Variants in WDR4 observed in about 807,000 individuals in gnomAD.
WDR4 encodes WDR4 tRNA N7-guanosine methyltransferase non-catalytic subunit.
A neutral mutation model predicts 48.6 loss-of-function variants in WDR4; 47 were observed. The observed-to-expected ratio is 0.97, with a 90% confidence interval of 0.77 to 1.23. WDR4 has a LOEUF of 1.23. Among genes scored for constraint, WDR4 ranks in the 50% most tolerant of loss-of-function variants. The pLI is 0.00. For synonymous variants in WDR4, 268 were observed against 230.0 expected, an observed-to-expected ratio of 1.17 and a Z score of -1.49; for missense variants, 606 against 551.6, an observed-to-expected ratio of 1.10 and a Z score of -0.99.
chr21:42,873,626 C>T lies in WDR4; in HGVS notation c.221G>A (p.Ser74Asn), dbSNP rs779140436. 2 of 1,614,180 alleles carry T rather than the reference C, an allele frequency of 1.2e-6. No homozygotes were observed. The highest frequency in any genetic ancestry group is 1.7e-5 in the Admixed American group (1 of 60,022). The change falls in exon 3 of 11, where the codon AGC (serine) becomes AAC (asparagine). Residue 74 changes from serine (S) to asparagine (N), a missense_variant. Physicochemically the swap from Ser to Asn is conservative, Grantham distance 46 (BLOSUM62 1). Transcript: ENST00000398208. ...ACTGTCATCGGTTAAAGCAAAATAG[C>T]TGCCAGACTTGGAGAAGGTGGACGC... ...ILASTFSKSG[S>N]YFALTDDSKR...
Position 42,852,337 on chromosome 21 carries a change from A to C in WDR4, c.976-13T>G. 6.2e-7 allele frequency: 1 copy of C among 1,613,700 alleles called. No homozygotes were observed. Among genetic ancestry groups the C allele is most frequent in the South Asian group, 1.1e-5 (1 of 90,930 alleles). On this transcript the variant is annotated splice_polypyrimidine_tract_variant and intron_variant, in intron 9 of 10. Coordinates refer to ENST00000398208, the MANE Select transcript of WDR4 (RefSeq NM_018669.6). Reference sequence around the variant, plus strand: ...TCTCAGGAACAGACTGCAGGCGACAAACAGGAAATCTTCATCAGAAAGAGG... The same window carrying C: ...TCTCAGGAACAGACTGCAGGCGACACACAGGAAATCTTCATCAGAAAGAGG...
chr21:42,862,183 T>G lies in WDR4; in HGVS notation c.566+99A>C. 3 of 1,109,078 alleles carry G rather than the reference T, an allele frequency of 2.7e-6. No individual in the cohort carries two copies. Among genetic ancestry groups the G allele is most frequent in the South Asian group, 1.5e-5 (1 of 68,266 alleles). The allele number at this position is 1,109,078 out of a possible 1,614,324, so 68.7% of individuals were successfully genotyped here. On this transcript the variant is annotated intron_variant, in intron 5 of 10. Transcript: ENST00000398208. This position sits in a 1 kb window ranked among gnomAD's most constrained non-coding sequence, Gnocchi z 4.3. ...AGCACGGGGGCTGCTGTCACCCGCGTGGGGCCTCGCCAGCTACAACGGCAC... is the reference window on the plus strand; with the variant it reads ...AGCACGGGGGCTGCTGTCACCCGCGGGGGGCCTCGCCAGCTACAACGGCAC...
downstream of WDR4, among the ~76,000 whole-genome samples, chr21:42,847,443 G>A (rs1038935485): frequency 2.6e-5 from 4 of 152,338 alleles, no homozygotes; most frequent in Non-Finnish European, 4.4e-5. Context: ...ACACAGAAAC[G>A]GCTCTTGGCA....
chr21:42,854,435 G>A, intron 8 of WDR4, 127 bp downstream of exon 8: 1 of 910,682 alleles, frequency 1.1e-6, no homozygotes, highest in East Asian at 2.7e-5. Flanking sequence ...TCAGAGGGAG[G>A]TGCTAGACCA....
Position 42,854,435 on chromosome 21 carries a change from G to T in WDR4, c.791+127C>A, listed in dbSNP as rs1602701171. 6 of 910,682 alleles carry T rather than the reference G, an allele frequency of 6.6e-6. No homozygotes were observed. The East Asian group carries it at 1.4e-4, about 21-fold the overall frequency. The allele number at this position is 910,682 out of a possible 1,614,324, so 56.4% of individuals were successfully genotyped here. A position where few individuals can be genotyped will look rare whatever the true frequency, so the allele number is the denominator to read the frequency against. On this transcript the variant is annotated intron_variant, in intron 8 of 10. Coordinates refer to ENST00000398208, the MANE Select transcript of WDR4 (RefSeq NM_018669.6). Reference sequence around the variant, plus strand: ...TCAAAAGTGACATTCTCAGAGGGAGGTGCTAGACCAATACCACCACCGTTC... The same window carrying T: ...TCAAAAGTGACATTCTCAGAGGGAGTTGCTAGACCAATACCACCACCGTTC...
chr21:42,852,763 A>G (rs1255753856), intron 9 of WDR4, among the ~76,000 whole-genome samples: 1 of 152,084 alleles, frequency 6.6e-6, no homozygotes, highest in African/African-American at 2.4e-5. Context: ...TAAAAATACA[A>G]AATTAGCCGG....
intron 6 of WDR4, among the ~76,000 whole-genome samples, chr21:42,857,810 G>T (rs1484613524): frequency 6.6e-6 from 1 of 150,594 alleles, no homozygotes; most frequent in Non-Finnish European, 1.5e-5. Flanking sequence ...AAAAAACAGA[G>T]AATTATGGCC....
At chr21:42,866,704 C>A (rs965759868) in intron 3 of WDR4, among the ~76,000 whole-genome samples, 1 of 152,090 alleles carries the variant, frequency 6.6e-6, no homozygotes, top group East Asian at 1.9e-4. Context: ...CTCCCTGCCC[C>A]ACTCGCATCC....
chr21:42,859,748 A>C (rs1452902509), intron 5 of WDR4, 26 bp from the exon 6 acceptor site: 2 of 1,553,266 alleles, frequency 1.3e-6, no homozygotes, highest in Non-Finnish European at 1.7e-6. Context: ...AGAGCGGCAG[A>C]GTCAGCGAGC....
At chr21:42,843,100 G>C (rs79760407) in exon 12 of WDR4, 1 of 152,306 alleles carries the variant, frequency 6.6e-6, no homozygotes, top group East Asian at 1.9e-4. Flanking sequence ...CATGTTCCTA[G>C]TCAAAAATTT....
the WDR4 span, among the ~76,000 whole-genome samples, chr21:42,885,773 C>T: frequency 6.6e-6 from 1 of 152,112 alleles, no homozygotes; most frequent in Non-Finnish European, 1.5e-5. Flanking sequence ...CAGCTCACTG[C>T]AGCCTTGACC....
At chr21:42,875,681 G>A (rs76487634) in intron 2 of WDR4, among the ~76,000 whole-genome samples, 2,751 of 152,212 alleles carry the variant, frequency 0.018, 32 homozygotes, top group Non-Finnish European at 0.029. Flanking sequence ...CACTCCAACC[G>A]GGGTAACAGA....
chr21:42,890,522 C>T, the WDR4 span, among the ~76,000 whole-genome samples: 4 of 152,106 alleles, frequency 2.6e-5, no homozygotes, highest in African/African-American at 9.7e-5. Flanking sequence ...GGCAGCAGAG[C>T]GAGACTCCGT....
At chr21:42,890,696 G>C in the WDR4 span, among the ~76,000 whole-genome samples, 1 of 152,244 alleles carries the variant, frequency 6.6e-6, no homozygotes, top group Non-Finnish European at 1.5e-5. Context: ...GCTACAGGCA[G>C]AGTTGATGGT....
intron 2 of WDR4, among the ~76,000 whole-genome samples, chr21:42,874,864 T>C (rs1190111105): frequency 6.6e-6 from 1 of 152,112 alleles, no homozygotes; most frequent in Non-Finnish European, 1.5e-5. Context: ...CTGCCTCCAT[T>C]TGCCTCGTGA....
At position 42,863,542 on chromosome 21, in the gene WDR4, G is replaced by C; in HGVS notation, c.351C>G (p.Val117=). 1 of 1,614,024 alleles carries C rather than the reference G, an allele frequency of 6.2e-7. No individual in the cohort carries two copies. Among genetic ancestry groups the C allele is most frequent in the Non-Finnish European group, 8.5e-7 (1 of 1,179,996 alleles). ...CGTCTCCAGACTTGTCGGCCACCAA[G>C]ACCTTCTCCTCCGAGGCTATGAAAG... ...ALTFIASEEK[V]LVADKSGDVY... The change falls in exon 4 of 11, where the codon GTC becomes GTG. Residue 117 remains valine, a synonymous_variant. Transcript: ENST00000398208.
In WDR4 at chr21:42,854,596, A is replaced by T. The variant is rs1351499701; in HGVS notation, c.757T>A (p.Cys253Ser). 1.2e-6 allele frequency: 2 copies of T among 1,613,764 alleles called. No homozygotes were observed. ...KFAASRIAFWCQENCVALLCD... is the reference protein window; with the variant it reads ...KFAASRIAFWSQENCVALLCD... ...AGGAGCGCCACGCAGTTCTCCTGGC[A>T]CCAGAATGCAATCCTGGACGCGGCA... Residue 253 changes from cysteine (C) to serine (S), a missense_variant, in exon 8 of 11, where the codon TGC (cysteine) becomes AGC (serine). Coordinates refer to ENST00000398208, the MANE Select transcript of WDR4 (RefSeq NM_018669.6).
chr21:42,876,445 C>G (rs2058494454), intron 2 of WDR4, among the ~76,000 whole-genome samples: 1 of 151,964 alleles, frequency 6.6e-6, no homozygotes, highest in African/African-American at 2.4e-5. Context: ...AAATTCTGAC[C>G]TCAGGTGATC....
chr21:42,849,045 G>A (rs532451043), downstream of WDR4, among the ~76,000 whole-genome samples: 131 of 128,332 alleles, frequency 1.0e-3, no homozygotes, highest in East Asian at 4.9e-3. Context: ...CACAGCGCAC[G>A]ATCACGCGGC....
Sources: allele counts gnomAD v4.1 joint callset (sites outside exome capture counted in the v4.1 genomes callset), GRCh38; gene constraint gnomAD v4.1.1; non-coding constraint Gnocchi (gnomAD v3.1); transcripts MANE v1.5; gene names NCBI Gene and HGNC (gene_info 2026-07-23, HGNC 2026-07-21).